The following FARS2 variants were observed in gnomAD, a reference collection of about 807,000 sequenced individuals.
FARS2 encodes phenylalanine--tRNA ligase, mitochondrial.
In FARS2, 40 loss-of-function variants were observed where a neutral mutation model predicts 46.4. The observed-to-expected ratio is 0.86, with a 90% confidence interval of 0.67 to 1.12. The LOEUF (loss-of-function observed/expected upper bound fraction) is 1.12, where lower values mean the gene tolerates loss of function less well. Among genes scored for constraint, FARS2 ranks in the 50% most tolerant of loss-of-function variants. FARS2 has a pLI of 0.00. For missense variants in FARS2, 513 were observed against 567.9 expected, an observed-to-expected ratio of 0.90 and a Z score of 0.98; for synonymous variants, 234 against 214.9, an observed-to-expected ratio of 1.09 and a Z score of -0.78.
chr6:5,750,140 C>T (rs945422992), intron 6 of FARS2, among the ~76,000 whole-genome samples: 15 of 152,060 alleles, frequency 9.9e-5, no homozygotes, highest in African/African-American at 2.9e-4. Flanking sequence ...AGTGTCAGAC[C>T]ATCATGATAC....
chr6:5,730,954 A>G (rs1561826626), intron 6 of FARS2, among the ~76,000 whole-genome samples: 1 of 152,206 alleles, frequency 6.6e-6, no homozygotes, highest in Non-Finnish European at 1.5e-5. Flanking sequence ...ACAGCTACTA[A>G]GTGGTAGAGC....
chr6:5,497,531 G>C (rs1767544420), intron 4 of FARS2, among the ~76,000 whole-genome samples: 1 of 152,152 alleles, frequency 6.6e-6, no homozygotes, highest in Non-Finnish European at 1.5e-5. Context: ...ATTGGGTGTT[G>C]ATTTCATTAA....
At chr6:5,527,254 A>G (rs1769524604) in intron 4 of FARS2, among the ~76,000 whole-genome samples, 1 of 152,224 alleles carries the variant, frequency 6.6e-6, no homozygotes, top group African/African-American at 2.4e-5. Flanking sequence ...GTCTCATGGC[A>G]TTTGTCAGAG....
intron 3 of FARS2, among the ~76,000 whole-genome samples, chr6:5,413,549 A>T (rs1762057665): frequency 6.6e-6 from 1 of 152,182 alleles, no homozygotes; most frequent in Non-Finnish European, 1.5e-5. Context: ...CAATTTCCTG[A>T]TTGATTTCAG....
chr6:5,463,851 T>C (rs1281951979), intron 4 of FARS2, among the ~76,000 whole-genome samples: 1 of 152,242 alleles, frequency 6.6e-6, no homozygotes, highest in African/African-American at 2.4e-5. Flanking sequence ...TGGTTTACAT[T>C]ACTGATTTCC....
chr6:5,510,867 G>A (rs1768409280), intron 4 of FARS2, among the ~76,000 whole-genome samples: 1 of 152,122 alleles, frequency 6.6e-6, no homozygotes, highest in South Asian at 2.1e-4. Flanking sequence ...TTAATGGCAG[G>A]CCGATGCCTA....
intron 4 of FARS2, among the ~76,000 whole-genome samples, chr6:5,473,281 C>G (rs1380972729): frequency 2.0e-5 from 3 of 151,534 alleles, no homozygotes; most frequent in African/African-American, 4.9e-5. Context: ...AATCCCAGCA[C>G]TTTGGGAGGC....
At chr6:5,476,781 T>C (rs1319261785) in intron 4 of FARS2, among the ~76,000 whole-genome samples, 1 of 152,150 alleles carries the variant, frequency 6.6e-6, no homozygotes, top group Non-Finnish European at 1.5e-5. Context: ...TAACAGGACT[T>C]GGAACTGCGG....
chr6:5,521,597 C>T (rs183115651), intron 4 of FARS2, among the ~76,000 whole-genome samples: 9 of 152,266 alleles, frequency 5.9e-5, no homozygotes, highest in South Asian at 2.1e-4. Context: ...ATTATAAAGC[C>T]GGGAAAGCTC....
intron 6 of FARS2, among the ~76,000 whole-genome samples, chr6:5,637,897 C>G (rs770684864): frequency 6.6e-6 from 1 of 152,180 alleles, no homozygotes; most frequent in South Asian, 2.1e-4. Flanking sequence ...TCTTTAGATA[C>G]CCTATCTGTC....
Position 5,407,881 on chromosome 6 carries a change from T to C in FARS2, c.772+3180T>C, listed in dbSNP as rs141028358. ...TTTAACACAAATGCAGGGAGATGGA[T>C]TGAGCTGTTCAGGCCATTTTAGAGG... On this transcript the variant is annotated intron_variant, in intron 3 of 6. Transcript: ENST00000274680. 1.3e-4 allele frequency among the ~76,000 whole-genome samples: 20 copies of C among 152,340 alleles called. No individual in the cohort carries two copies. The East Asian group carries it at 3.9e-3, about 29-fold the overall frequency.
intron 2 of FARS2, among the ~76,000 whole-genome samples, chr6:5,399,122 ATTATT>A (rs1435555642): frequency 7.8e-6 from 1 of 128,938 alleles, no homozygotes; most frequent in Admixed American, 8.1e-5. Context: ...TAGATTTTAT[ATTATT>A]TTATTATTAT....
Position 5,632,637 on chromosome 6 carries a change from T to TC in FARS2, c.1217+19318dup, listed in dbSNP as rs1561766416. ...TCCTTTCCTCCCTCCCTCCCTCCCT[T>TC]CTTCCTTCCTTCCTTCCTTCCTCCC... is the stretch of plus-strand genomic sequence containing the variant. On this transcript the variant is annotated intron_variant, in intron 6 of 6. Transcript: ENST00000274680. Among the ~76,000 whole-genome samples the TC allele has an allele frequency of 2.3e-3, 320 of 141,274 alleles. 4 individuals are homozygous for TC. The highest frequency in any genetic ancestry group is 7.8e-3 in the African/African-American group (288 of 37,050). 92.7% of individuals were successfully genotyped at this position (141,274 alleles called of 152,430 possible).
chr6:5,609,221 T>C (rs539154001), intron 5 of FARS2: 8 of 1,191,054 alleles, frequency 6.7e-6, no homozygotes, highest in Non-Finnish European at 8.6e-6. Flanking sequence ...AAGCTTTGTT[T>C]CCTAATTAAA....
chr6:5,762,023 A>G (rs1762503590), intron 6 of FARS2, among the ~76,000 whole-genome samples: 1 of 152,248 alleles, frequency 6.6e-6, no homozygotes, highest in East Asian at 1.9e-4. Context: ...ATTTCTAGTA[A>G]TAATCACTGG....
intron 6 of FARS2, among the ~76,000 whole-genome samples, chr6:5,701,442 G>A (rs974841058): frequency 3.3e-5 from 5 of 152,212 alleles, no homozygotes; most frequent in African/African-American, 7.2e-5. Flanking sequence ...CCATATGAAT[G>A]TGAACGTGAA....
intron 6 of FARS2, among the ~76,000 whole-genome samples, chr6:5,763,374 C>T (rs1762588541): frequency 6.6e-6 from 1 of 152,174 alleles, no homozygotes; most frequent in African/African-American, 2.4e-5. Flanking sequence ...ATTGCTTGAG[C>T]CCAGAAGGTC....
intron 3 of FARS2, among the ~76,000 whole-genome samples, chr6:5,420,615 G>A (rs759829999): frequency 1.3e-5 from 2 of 152,160 alleles, no homozygotes; most frequent in Non-Finnish European, 2.9e-5. Context: ...CTCCTTCAAC[G>A]CCATGTCTCA....
chr6:5,440,919 C>CTTTTTTTTTTTTTTTTTTTTTTT (rs56965644), intron 4 of FARS2, among the ~76,000 whole-genome samples: 1 of 144,504 alleles, frequency 6.9e-6, no homozygotes. Context: ...CATTTTCTTT[C>CTTTTTTTTTTTTTTTTTTTTTTT]TTTTTTTTTT....
Sources: gnomAD v4.1 joint callset for allele counts (sites outside exome capture counted in the v4.1 genomes callset) on GRCh38, gnomAD v4.1.1 for gene constraint, MANE v1.5 for transcripts, NCBI Gene and HGNC (gene_info 2026-07-23, HGNC 2026-07-21) for gene names.